Variants in RILPL1 observed in about 807,000 individuals in gnomAD.
The protein encoded by RILPL1 is Rab interacting lysosomal protein like 1, also known as RILP-like protein 1.
Under a neutral mutation model 50.3 loss-of-function variants are expected in RILPL1, and 33 were observed. The observed-to-expected ratio is 0.66, with a 90% CI of 0.50 to 0.88. The LOEUF is 0.88. Ranked by LOEUF, RILPL1 falls within the 40% of genes least tolerant of loss-of-function variation. The probability of loss-of-function intolerance (pLI) is 0.00; values close to 1 mark genes in which losing one functional copy is unlikely to be tolerated. For synonymous variants in RILPL1, 205 were observed against 228.6 expected (o/e 0.90, Z 0.93); for missense variants, 418 against 542.5 (o/e 0.77, Z 2.28).
chr12:123,518,670 T>C lies in RILPL1; in HGVS notation c.460+4825A>G, dbSNP rs188162170. On this transcript the variant is annotated intron_variant, in intron 2 of 6. Transcript: ENST00000376874. Reference sequence around the variant, plus strand: ...TATGAAAAAAATGCAAAATATCTCATTGATAGTCTCATTGATAATTTTTAT... The same window carrying C: ...TATGAAAAAAATGCAAAATATCTCACTGATAGTCTCATTGATAATTTTTAT... Among the ~76,000 whole-genome samples, 302 of 152,278 alleles carry C rather than the reference T, an allele frequency of 2.0e-3. 2 individuals are homozygous for C. The highest frequency in any genetic ancestry group is 0.017 in the Admixed American group (264 of 15,288).
At chr12:123,512,286 TGAGGTCTGTGTG>T (rs142863463) in intron 2 of RILPL1, among the ~76,000 whole-genome samples, 114,170 of 114,428 alleles carry the variant, frequency 1, 56,958 homozygotes, top group Admixed American at 1. Context: ...GGGTGGTGTG[TGAGGTCTGTGTG>T]GAGGTCTGTG....
chr12:123,486,492 G>A (rs1882342338), intron 4 of RILPL1, among the ~76,000 whole-genome samples: 1 of 152,132 alleles, frequency 6.6e-6, no homozygotes, highest in South Asian at 2.1e-4. Flanking sequence ...GAAAAATGTG[G>A]TAAAATATAC....
intron 4 of RILPL1, among the ~76,000 whole-genome samples, chr12:123,490,956 G>A (rs1419130418): frequency 6.6e-6 from 1 of 151,088 alleles, no homozygotes; most frequent in South Asian, 2.1e-4. Context: ...CGCCATGTTG[G>A]CCAGGCTGGT....
intron 2 of RILPL1, among the ~76,000 whole-genome samples, chr12:123,511,942 G>T (rs1423206319): frequency 1.6e-5 from 2 of 128,778 alleles, no homozygotes; most frequent in African/African-American, 6.4e-5. Flanking sequence ...TGTGAGGTTT[G>T]TGTGTGTGTG....
intron 1 of RILPL1, among the ~76,000 whole-genome samples, chr12:123,532,429 G>A (rs1885466088): frequency 6.6e-6 from 1 of 152,146 alleles, no homozygotes; most frequent in African/African-American, 2.4e-5. Context: ...TTCAAACAGG[G>A]TGGGGAGGAG....
chr12:123,492,977 G>T lies in RILPL1; in HGVS notation c.801+5567C>A, dbSNP rs190267713. Among the ~76,000 whole-genome samples the T allele has an allele frequency of 5.9e-5, 9 of 152,304 alleles. No homozygotes were observed. The East Asian group carries it at 1.7e-3, about 29-fold the overall frequency. Reference sequence around the variant, plus strand: ...TCCCCATGTGATAGTCTGAAATATGGCCTCATGGGAAGGGAAAGACCTGAC... The same window carrying T: ...TCCCCATGTGATAGTCTGAAATATGTCCTCATGGGAAGGGAAAGACCTGAC... On this transcript the variant is annotated intron_variant, in intron 4 of 6. Transcript: ENST00000376874.
At chr12:123,532,716 G>GGGGGA (rs1232279863) in intron 1 of RILPL1, among the ~76,000 whole-genome samples, 1 of 112,542 alleles carries the variant, frequency 8.9e-6, no homozygotes, top group Non-Finnish European at 1.9e-5. Context: ...GGGGGGGGGG[G>GGGGGA]ATGAAGAAAG....
At chr12:123,484,470 C>A in intron 5 of RILPL1, among the ~76,000 whole-genome samples, 198 bp from the exon 6 acceptor site, 1 of 152,126 alleles carries the variant, frequency 6.6e-6, no homozygotes. Context: ...GCTTCCCTGT[C>A]GCTACACCTC....
chr12:123,485,327 A>G lies in RILPL1; in HGVS notation c.974+306T>C. 1 of 483,110 alleles carries G rather than the reference A, an allele frequency of 2.1e-6. No individual in the cohort carries two copies. Among genetic ancestry groups the G allele is most frequent in the East Asian group, 5.2e-5 (1 of 19,108 alleles). The allele number at this position is 483,110 out of a possible 1,614,324, so 29.9% of individuals were successfully genotyped here. A position where few individuals can be genotyped will look rare whatever the true frequency, so the allele number is the denominator to read the frequency against. On this transcript the variant is annotated intron_variant, in intron 5 of 6. Transcript: ENST00000376874. This position sits in a 1 kb window ranked among gnomAD's most constrained non-coding sequence, Gnocchi z 4.0. The stretch of plus-strand genomic sequence containing the variant: ...CGGGTTTCATTCATTCATTCATTTA[A>G]AAAAAGAGATGAGGTCTCGCTTTGT...
At chr12:123,482,828 C>T (rs1053062675) in intron 6 of RILPL1, among the ~76,000 whole-genome samples, 2 of 151,986 alleles carry the variant, frequency 1.3e-5, no homozygotes, top group African/African-American at 2.4e-5. Flanking sequence ...GTCTTGAACT[C>T]CTGAGCTCAA....
intron 4 of RILPL1, among the ~76,000 whole-genome samples, chr12:123,490,212 G>A (rs572035257): frequency 1.6e-4 from 24 of 152,086 alleles, no homozygotes; most frequent in East Asian, 5.8e-4. Flanking sequence ...TCTGACAGCC[G>A]TCCCCACACC....
intron 4 of RILPL1, among the ~76,000 whole-genome samples, chr12:123,497,718 A>G (rs1053464326): frequency 2.0e-5 from 3 of 151,746 alleles, no homozygotes; most frequent in African/African-American, 4.8e-5. Context: ...ATTTTTAAAG[A>G]ATTTTTTGTA....
intron 2 of RILPL1, among the ~76,000 whole-genome samples, chr12:123,506,136 G>A (rs1399632576): frequency 6.6e-6 from 1 of 152,238 alleles, no homozygotes; most frequent in Non-Finnish European, 1.5e-5. Flanking sequence ...TGGGTGCAGG[G>A]CAGGCCTCTC....
At chr12:123,515,754 G>A (rs1297120887) in intron 2 of RILPL1, among the ~76,000 whole-genome samples, 2 of 150,992 alleles carry the variant, frequency 1.3e-5, no homozygotes, top group Non-Finnish European at 3.0e-5. Context: ...CAAACACCAG[G>A]CTGGGCGTGG....
In RILPL1 at chr12:123,485,824, C is replaced by T. The variant is rs773052660; in HGVS notation, c.802-19G>A. On this transcript the variant is annotated intron_variant, in intron 4 of 6. Transcript: ENST00000376874. This position sits in a 1 kb window ranked among gnomAD's most constrained non-coding sequence, Gnocchi z 4.0. ...GCTCCGTCTGGAGGAGGCAGAGATG[C>T]TGCTAATGAATTCTTGGCAGCCACT... 3.2e-6 allele frequency: 5 copies of T among 1,585,024 alleles called. No individual in the cohort carries two copies. The highest frequency in any genetic ancestry group is 1.4e-5 in the African/African-American group (1 of 73,266).
chr12:123,531,604 T>C (rs997562987), intron 1 of RILPL1, among the ~76,000 whole-genome samples: 4 of 152,184 alleles, frequency 2.6e-5, no homozygotes, highest in African/African-American at 7.2e-5. Flanking sequence ...AGCACCTCAA[T>C]GAATGTCTCT....
chr12:123,532,405 TCC>T (rs2139397176), intron 1 of RILPL1, among the ~76,000 whole-genome samples: 1 of 152,126 alleles, frequency 6.6e-6, no homozygotes, highest in Non-Finnish European at 1.5e-5. Context: ...CCCCAAATCA[TCC>T]CTTTCCCCCA....
intron 6 of RILPL1, among the ~76,000 whole-genome samples, chr12:123,482,358 C>T (rs1882053398): frequency 6.6e-6 from 1 of 152,122 alleles, no homozygotes; most frequent in Non-Finnish European, 1.5e-5. Context: ...GCATCAGGGA[C>T]CTGGGGCCAA....
At chr12:123,474,697 T>G (rs942726922) in intron 6 of RILPL1, 1 of 152,230 alleles carries the variant, frequency 6.6e-6, no homozygotes, top group African/African-American at 2.4e-5. Context: ...CTATGTGAAT[T>G]ATGGCTCTGA....
Sources: gnomAD v4.1 joint callset for allele counts (sites outside exome capture counted in the v4.1 genomes callset) on GRCh38, gnomAD v4.1.1 for gene constraint, Gnocchi (gnomAD v3.1) non-coding constraint, MANE v1.5 for transcripts, NCBI Gene and HGNC (gene_info 2026-07-23, HGNC 2026-07-21) for gene names.